The following PRKAG2 variants were observed in gnomAD, a reference collection of about 807,000 sequenced individuals.
The protein encoded by PRKAG2 is protein kinase AMP-activated non-catalytic subunit gamma 2.
PRKAG2 carries 26 observed loss-of-function variants against 69.6 expected under a neutral mutation model. The observed-to-expected ratio is 0.37, with a 90% CI of 0.27 to 0.52. The LOEUF is 0.52. PRKAG2 is among the 20% of genes least tolerant of loss of function. PRKAG2 has a pLI of 0.90. For missense variants in PRKAG2, 557 were observed against 740.0 expected (o/e 0.75, Z 2.87); for synonymous variants, 293 against 285.0 (o/e 1.03, Z -0.28).
chr7:151,643,239 A>C lies in PRKAG2; in HGVS notation c.685-11101T>G, dbSNP rs143232320. On this transcript the variant is annotated intron_variant, in intron 4 of 15. Coordinates refer to ENST00000287878, the MANE Select transcript of PRKAG2 (RefSeq NM_016203.4). The stretch of plus-strand genomic sequence containing the variant: ...TGTCTTATAATACATTGCAAATAAA[A>C]AAATAAGTAATGCTCACCAAGTTCA... Among the ~76,000 whole-genome samples, 720 of 152,356 alleles carry C rather than the reference A, an allele frequency of 4.7e-3. 3 individuals carry two copies. Among genetic ancestry groups the C allele is most frequent in the African/African-American group, 0.017 (690 of 41,574 alleles).
intron 1 of PRKAG2, among the ~76,000 whole-genome samples, chr7:151,867,087 G>A (rs1272614969): frequency 1.3e-5 from 2 of 152,188 alleles, no homozygotes; most frequent in East Asian, 1.9e-4. Context: ...CCTTGGAAGG[G>A]AGTGTCAAAG....
At chr7:151,744,727 A>G (rs2074157370) in intron 3 of PRKAG2, among the ~76,000 whole-genome samples, 1 of 152,130 alleles carries the variant, frequency 6.6e-6, no homozygotes, top group South Asian at 2.1e-4. Flanking sequence ...CCATTCATTC[A>G]TGAGACTGGC....
intron 3 of PRKAG2, among the ~76,000 whole-genome samples, chr7:151,698,992 C>G (rs915297086): frequency 6.6e-6 from 1 of 152,312 alleles, no homozygotes. Context: ...CAGGTAACTT[C>G]TCGCTACAGT....
At chr7:151,635,994 A>G (rs1009495557) in intron 4 of PRKAG2, among the ~76,000 whole-genome samples, 1 of 151,368 alleles carries the variant, frequency 6.6e-6, no homozygotes, top group Non-Finnish European at 1.5e-5. Context: ...TAGCCTCCGG[A>G]GTAGCTAGGA....
intron 4 of PRKAG2, among the ~76,000 whole-genome samples, chr7:151,633,658 C>G (rs1484146725): frequency 6.6e-6 from 1 of 151,894 alleles, no homozygotes; most frequent in Non-Finnish European, 1.5e-5. Flanking sequence ...TTAATACAAT[C>G]ACTTCAAAGA....
intron 6 of PRKAG2, among the ~76,000 whole-genome samples, chr7:151,579,985 G>T (rs1345834492): frequency 6.6e-6 from 1 of 152,166 alleles, no homozygotes; most frequent in African/African-American, 2.4e-5. Flanking sequence ...AAAAGGATTG[G>T]CAAAGTAAGG....
chr7:151,875,827 G>A (rs1293384479), intron 1 of PRKAG2, among the ~76,000 whole-genome samples: 1 of 152,100 alleles, frequency 6.6e-6, no homozygotes, highest in Non-Finnish European at 1.5e-5. Flanking sequence ...CTCCCGGGCG[G>A]CTGGCGCGGA....
At chr7:151,663,508 G>A (rs536075738) in intron 4 of PRKAG2, among the ~76,000 whole-genome samples, 59 of 152,150 alleles carry the variant, frequency 3.9e-4, no homozygotes, top group Middle Eastern at 3.4e-3. Flanking sequence ...GACTACAGGC[G>A]TGCACCACCA....
At chr7:151,619,182 T>A (rs1004189708) in intron 5 of PRKAG2, among the ~76,000 whole-genome samples, 1 of 152,202 alleles carries the variant, frequency 6.6e-6, no homozygotes, top group African/African-American at 2.4e-5. Context: ...CTAGGAACTA[T>A]TAATACATAA....
At chr7:151,827,744 G>GAAAA (rs2078932406) in intron 1 of PRKAG2, among the ~76,000 whole-genome samples, 1 of 32,140 alleles carries the variant, frequency 3.1e-5, no homozygotes, top group African/African-American at 9.5e-5. Flanking sequence ...GTGGCCTTAG[G>GAAAA]TAAAAAAAAA....
At chr7:151,823,411 G>C (rs975553295) in intron 1 of PRKAG2, among the ~76,000 whole-genome samples, 4 of 150,870 alleles carry the variant, frequency 2.7e-5, no homozygotes, top group Non-Finnish European at 5.9e-5. Context: ...CAGAACCTCA[G>C]AATGTGACCT....
intron 5 of PRKAG2, among the ~76,000 whole-genome samples, chr7:151,607,826 T>C (rs932384460): frequency 5.3e-5 from 8 of 152,186 alleles, no homozygotes; most frequent in Non-Finnish European, 1.2e-4. Flanking sequence ...TGTTCTCCTA[T>C]GGTCACCTGA....
intron 1 of PRKAG2, among the ~76,000 whole-genome samples, chr7:151,795,862 T>TACACAC (rs1399450065): frequency 9.1e-6 from 1 of 110,246 alleles, no homozygotes; most frequent in African/African-American, 3.8e-5. Context: ...TATATATATA[T>TACACAC]ATATATATAT....
chr7:151,871,605 G>A (rs895787784), intron 1 of PRKAG2, among the ~76,000 whole-genome samples: 3 of 152,178 alleles, frequency 2.0e-5, no homozygotes, highest in African/African-American at 4.8e-5. Flanking sequence ...CCAGTACACA[G>A]CCATCAACCG....
chr7:151,625,993 G>T (rs764980019), intron 5 of PRKAG2, among the ~76,000 whole-genome samples: 1 of 152,198 alleles, frequency 6.6e-6, no homozygotes, highest in Non-Finnish European at 1.5e-5. Context: ...ACTCAGCACA[G>T]CTGGCTGTGG....
intron 5 of PRKAG2, among the ~76,000 whole-genome samples, chr7:151,600,800 CCT>C (rs1815858671): frequency 6.6e-6 from 1 of 152,202 alleles, no homozygotes; most frequent in Non-Finnish European, 1.5e-5. Flanking sequence ...TTCAATCCAA[CCT>C]CAACGGACAT....
chr7:151,730,083 G>A (rs1798688762), intron 3 of PRKAG2, among the ~76,000 whole-genome samples: 1 of 152,222 alleles, frequency 6.6e-6, no homozygotes, highest in Middle Eastern at 3.2e-3. Flanking sequence ...GGAGGACATG[G>A]CAGGTGGTAA....
intron 1 of PRKAG2, among the ~76,000 whole-genome samples, chr7:151,851,101 T>C (rs919316386): frequency 6.6e-6 from 1 of 152,078 alleles, no homozygotes; most frequent in Admixed American, 6.5e-5. Context: ...ATCTAACTTT[T>C]CTTAATGGCC....
chr7:151,714,477 T>C (rs1489952234), intron 3 of PRKAG2, among the ~76,000 whole-genome samples: 1 of 137,800 alleles, frequency 7.3e-6, no homozygotes, highest in African/African-American at 2.9e-5. Flanking sequence ...GCCGCCATCC[T>C]CCCATCCACG....
Sources: gnomAD v4.1 joint callset for allele counts (sites outside exome capture counted in the v4.1 genomes callset) on GRCh38, gnomAD v4.1.1 for gene constraint, MANE v1.5 for transcripts, NCBI Gene and HGNC (gene_info 2026-07-23, HGNC 2026-07-21) for gene names.